Variants in MAP3K20 observed in about 807,000 individuals in gnomAD.
MAP3K20 encodes mitogen-activated protein kinase kinase kinase 20.
A neutral mutation model predicts 85.7 loss-of-function variants in MAP3K20; 40 were observed. The ratio of observed to expected loss-of-function variants is 0.47; its 90% CI spans 0.36 to 0.61. MAP3K20 has a LOEUF of 0.61. Among genes scored for constraint, MAP3K20 ranks in the 20% least tolerant of loss-of-function variants. MAP3K20 has a pLI of 0.00. For missense variants in MAP3K20, 817 were observed against 961.7 expected (o/e 0.85, Z 1.99); for synonymous variants, 325 against 327.7 (o/e 0.99, Z 0.09).
chr2:173,167,898 C>T lies in MAP3K20; in HGVS notation c.160-1907C>T, dbSNP rs372427889. The stretch of plus-strand genomic sequence containing the variant: ...AATTCAGGTGCCCCAAAGAATATTC[C>T]GAAGGATAACACTGCCTCAGTTTGA... On this transcript the variant is annotated intron_variant, in intron 2 of 19. Coordinates refer to ENST00000375213, the MANE Select transcript of MAP3K20 (RefSeq NM_016653.3). Among the ~76,000 whole-genome samples the T allele has an allele frequency of 3.4e-4, 52 of 152,094 alleles. No homozygotes were observed. In the South Asian group the frequency reaches 5.0e-3, roughly 15 times the overall value.
intron 1 of MAP3K20, among the ~76,000 whole-genome samples, chr2:173,076,619 A>G (rs1686870322): frequency 6.6e-6 from 1 of 152,246 alleles, no homozygotes; most frequent in South Asian, 2.1e-4. Flanking sequence ...AGCAGGAACA[A>G]TGAACACTAA....
rs370284204 is a variant in MAP3K20, at chr2:173,232,345, A to G, written c.1089A>G (p.Val363=). 3.2e-5 allele frequency: 51 copies of G among 1,614,106 alleles called. No homozygotes were observed. Among genetic ancestry groups the G allele is most frequent in the Middle Eastern group, 1.6e-4 (1 of 6,084 alleles). ...RKGDSSAEMS[V]YASLFKENNI... is the part of the protein sequence containing the mutation. ...GTGACTCTTCAGCAGAGATGAGTGT[A>G]TATGCAAGCTTGTTTAAAGAAAACA... is the stretch of plus-strand genomic sequence containing the variant. The change falls in exon 14 of 20, where the codon GTA becomes GTG. Residue 363 remains valine (V), a synonymous_variant. Transcript: ENST00000375213.
At chr2:173,100,738 C>G (rs1371002037) in intron 2 of MAP3K20, among the ~76,000 whole-genome samples, 1 of 152,122 alleles carries the variant, frequency 6.6e-6, no homozygotes, top group Non-Finnish European at 1.5e-5. Context: ...ACTGGCATGC[C>G]ATTTCTGCTT....
intron 7 of MAP3K20, among the ~76,000 whole-genome samples, chr2:173,196,892 T>A (rs1457251315): frequency 2.0e-5 from 3 of 152,052 alleles, no homozygotes; most frequent in African/African-American, 7.2e-5. Context: ...GCCTGACCTT[T>A]GGGGTGAGCC....
chr2:173,101,118 C>T (rs1256531644), intron 2 of MAP3K20, among the ~76,000 whole-genome samples: 1 of 152,162 alleles, frequency 6.6e-6, no homozygotes, highest in African/African-American at 2.4e-5. Flanking sequence ...AGAAAGGCTT[C>T]TCCTAGGACC....
At chr2:173,141,075 G>T (rs910059082) in intron 2 of MAP3K20, among the ~76,000 whole-genome samples, 7 of 151,984 alleles carry the variant, frequency 4.6e-5, no homozygotes, top group African/African-American at 7.3e-5. Flanking sequence ...AAATCACCTC[G>T]CAACTTACTT....
intron 2 of MAP3K20, among the ~76,000 whole-genome samples, chr2:173,096,715 A>G (rs533056357): frequency 6.6e-6 from 1 of 152,346 alleles, no homozygotes; most frequent in Non-Finnish European, 1.5e-5. Context: ...ATGTGGCTGT[A>G]GAGTGTTTAA....
At chr2:173,197,438 T>C (rs1183679058) in intron 7 of MAP3K20, among the ~76,000 whole-genome samples, 1 of 152,190 alleles carries the variant, frequency 6.6e-6, no homozygotes, top group African/African-American at 2.4e-5. Flanking sequence ...TGTAGGTAGA[T>C]GAAAATAGAT....
chr2:173,176,124 T>C (rs1209310434), intron 3 of MAP3K20, among the ~76,000 whole-genome samples: 1 of 152,154 alleles, frequency 6.6e-6, no homozygotes, highest in Non-Finnish European at 1.5e-5. Flanking sequence ...AAAAATAATG[T>C]TTATTGGTTA....
At chr2:173,183,040 TA>T in intron 4 of MAP3K20, 85 bp downstream of exon 4, 3 of 1,058,930 alleles carry the variant, frequency 2.8e-6, no homozygotes, top group Non-Finnish European at 4.2e-6. Context: ...GAAAATGTTT[TA>T]TTCTGTCTTT....
At chr2:173,195,872 A>G (rs1166784029) in intron 7 of MAP3K20, among the ~76,000 whole-genome samples, 3 of 152,160 alleles carry the variant, frequency 2.0e-5, no homozygotes, top group Non-Finnish European at 2.9e-5. Flanking sequence ...GAGGGAGTCA[A>G]ATGGAATTGG....
At chr2:173,192,200 T>C (rs11896507) in intron 7 of MAP3K20, among the ~76,000 whole-genome samples, 150,827 of 152,308 alleles carry the variant, frequency 0.99, 74,697 homozygotes, top group Middle Eastern at 1. Context: ...CGTCCTGAAC[T>C]TCTGTGTTTT....
intron 2 of MAP3K20, among the ~76,000 whole-genome samples, chr2:173,114,243 G>A (rs1688054458): frequency 6.6e-6 from 1 of 152,090 alleles, no homozygotes; most frequent in African/African-American, 2.4e-5. Context: ...TACATGAAAT[G>A]TCTTTTTCCA....
intron 1 of MAP3K20, among the ~76,000 whole-genome samples, chr2:173,078,461 C>T (rs969583069): frequency 1.3e-5 from 2 of 152,140 alleles, no homozygotes; most frequent in Non-Finnish European, 2.9e-5. Flanking sequence ...AACTTTGCCC[C>T]ACTAGACACA....
chr2:173,150,635 G>A (rs1401032934), intron 2 of MAP3K20, among the ~76,000 whole-genome samples: 2 of 152,198 alleles, frequency 1.3e-5, no homozygotes, highest in African/African-American at 2.4e-5. Flanking sequence ...GGGTGATCTC[G>A]GCTCACTGCA....
At chr2:173,113,521 G>T (rs567741079) in intron 2 of MAP3K20, among the ~76,000 whole-genome samples, 2 of 152,054 alleles carry the variant, frequency 1.3e-5, no homozygotes, top group Non-Finnish European at 2.9e-5. Context: ...TTTGATGTAG[G>T]CATTTAGGGC....
upstream of MAP3K20, chr2:173,075,666 G>A (rs1423292070): frequency 1.1e-6 from 1 of 940,352 alleles, no homozygotes; most frequent in African/African-American, 1.8e-5. Flanking sequence ...CCCACAGCAA[G>A]GCAGGTGTGT....
chr2:173,265,302 CAG>C (rs1342125643), intron 19 of MAP3K20, among the ~76,000 whole-genome samples: 6 of 152,208 alleles, frequency 3.9e-5, no homozygotes, highest in African/African-American at 1.2e-4. Flanking sequence ...CGGGGGAAAA[CAG>C]AAAAGATCTC....
At chr2:173,218,748 T>C (rs1684148895) in intron 11 of MAP3K20, among the ~76,000 whole-genome samples, 1 of 152,274 alleles carries the variant, frequency 6.6e-6, no homozygotes, top group Non-Finnish European at 1.5e-5. Flanking sequence ...CCCATTCATA[T>C]ATGCTTCAGA....
Sources: gnomAD v4.1 joint callset for allele counts (sites outside exome capture counted in the v4.1 genomes callset) on GRCh38, gnomAD v4.1.1 for gene constraint, MANE v1.5 for transcripts, NCBI Gene and HGNC (gene_info 2026-07-23, HGNC 2026-07-21) for gene names.